CEP55: variants seen among roughly 807,000 people sequenced by gnomAD.
CEP55 encodes the protein centrosomal protein 55, also known as centrosomal protein of 55 kDa.
Under a neutral mutation model 63.2 loss-of-function variants are expected in CEP55, and 57 were observed. The observed-to-expected ratio is 0.90, with a 90% CI of 0.73 to 1.13. The LOEUF is 1.13. CEP55 is among the 50% of genes most tolerant of loss of function. The probability of loss-of-function intolerance (pLI) is 0.00; values close to 1 mark genes in which losing one functional copy is unlikely to be tolerated. For missense variants in CEP55, 456 were observed against 518.9 expected (o/e 0.88, Z 1.18); for synonymous variants, 178 against 191.6 (o/e 0.93, Z 0.59).
In CEP55 at chr10:93,512,438, C is replaced by A. The variant is rs183774454; in HGVS notation, c.529-2967C>A. On this transcript the variant is annotated intron_variant, in intron 4 of 8. Transcript: ENST00000371485. ...CTGAGGCAAGAGAATCGCTTGAACC[C>A]GGGAGGTGGAGGTTGCAGTGAGCCA... Among the ~76,000 whole-genome samples the A allele has an allele frequency of 3.5e-3, 517 of 149,448 alleles. 4 individuals are homozygous for A. The highest frequency in any genetic ancestry group is 0.012 in the African/African-American group (490 of 40,310).
chr10:93,517,539 T>C (rs1311755434), intron 6 of CEP55, among the ~76,000 whole-genome samples: 1 of 152,188 alleles, frequency 6.6e-6, no homozygotes, highest in Admixed American at 6.5e-5. Context: ...TGACTTTTCC[T>C]CTCAATGGAG....
chr10:93,516,390 G>T (rs1337152970), intron 5 of CEP55, among the ~76,000 whole-genome samples: 1 of 152,170 alleles, frequency 6.6e-6, no homozygotes, highest in Non-Finnish European at 1.5e-5. Flanking sequence ...TATAAAATAT[G>T]TGCTTATGTA....
At chr10:93,521,699 A>T (rs1408332777) in intron 8 of CEP55, among the ~76,000 whole-genome samples, 24 of 152,054 alleles carry the variant, frequency 1.6e-4, no homozygotes, top group Admixed American at 1.4e-3. Context: ...ACCCCCCAGT[A>T]GGGGCAGACT....
intron 5 of CEP55, among the ~76,000 whole-genome samples, chr10:93,516,209 A>G (rs1258114390): frequency 6.6e-6 from 1 of 152,214 alleles, no homozygotes; most frequent in African/African-American, 2.4e-5. Context: ...GACAGTTTGG[A>G]GGGGACCAAA....
chr10:93,507,131 A>G (rs1428592176), intron 4 of CEP55, 75 bp downstream of exon 4: 4 of 827,744 alleles, frequency 4.8e-6, no homozygotes, highest in African/African-American at 1.7e-5. Context: ...GAAATTGGCA[A>G]CATTAGTGCT....
intron 4 of CEP55, among the ~76,000 whole-genome samples, chr10:93,512,814 AAG>A (rs1255275936): frequency 6.6e-6 from 1 of 152,186 alleles, no homozygotes; most frequent in Non-Finnish European, 1.5e-5. Context: ...GGAGCTGAAT[AAG>A]AGAGTGACTA....
chr10:93,521,994 A>G (rs1387685487), intron 8 of CEP55, among the ~76,000 whole-genome samples: 1 of 152,208 alleles, frequency 6.6e-6, no homozygotes, highest in African/African-American at 2.4e-5. Context: ...AAAGATGGGG[A>G]AAAAACAGCA....
At position 93,518,936 on chromosome 10, in the gene CEP55, G is replaced by T; in HGVS notation, c.1053G>T (p.Leu351=). ...KQQEEQTRVA[L]LEQQMQACTL... is the part of the protein sequence containing the mutation. ...AAGAAGAACAAACAAGGGTAGCTCT[G>T]TTGGAACAACAGGTACTCATTCGGG... The change falls in exon 7 of 9, where the codon CTG becomes CTT. Residue 351 remains leucine, a synonymous_variant. Transcript: ENST00000371485. 6.2e-7 allele frequency: 1 copy of T among 1,613,092 alleles called. No individual in the cohort carries two copies. The highest frequency in any genetic ancestry group is 1.3e-5 in the African/African-American group (1 of 75,040).
At chr10:93,511,763 T>C (rs1032874418) in intron 4 of CEP55, among the ~76,000 whole-genome samples, 1 of 151,656 alleles carries the variant, frequency 6.6e-6, no homozygotes, top group Non-Finnish European at 1.5e-5. Flanking sequence ...CCACCATACC[T>C]GGCTAATGTT....
chr10:93,513,471 T>C (rs79295620), intron 4 of CEP55, among the ~76,000 whole-genome samples: 144 of 152,330 alleles, frequency 9.5e-4, no homozygotes, highest in African/African-American at 3.3e-3. Flanking sequence ...CGGAAAGCAG[T>C]TGCCCTGATA....
At chr10:93,500,269 C>T in intron 2 of CEP55, 35 bp downstream of exon 2, 1 of 1,542,640 alleles carries the variant, frequency 6.5e-7, no homozygotes, top group East Asian at 2.3e-5. Context: ...ATTGTAAGCT[C>T]TCCAAGAAAG....
At chr10:93,502,990 C>A in intron 2 of CEP55, 123 bp from the exon 3 acceptor site, 1 of 919,636 alleles carries the variant, frequency 1.1e-6, no homozygotes. Flanking sequence ...CTTTTTTGGC[C>A]TTGGTATTTA....
intron 8 of CEP55, among the ~76,000 whole-genome samples, chr10:93,527,169 C>T (rs2057932337): frequency 6.6e-6 from 1 of 151,998 alleles, no homozygotes; most frequent in African/African-American, 2.4e-5. Flanking sequence ...TCATTTTTAA[C>T]TACTCCAAGT....
intron 8 of CEP55, among the ~76,000 whole-genome samples, chr10:93,524,124 A>C (rs2057894068): frequency 6.6e-6 from 1 of 152,052 alleles, no homozygotes; most frequent in Non-Finnish European, 1.5e-5. Context: ...ACACAAAAAA[A>C]CTTTCAAAAA....
chr10:93,514,720 T>C (rs76493794), intron 4 of CEP55, among the ~76,000 whole-genome samples: 12,791 of 152,280 alleles, frequency 0.084, 599 homozygotes, highest in Non-Finnish European at 0.1. Flanking sequence ...AGATGGAGGC[T>C]GTCAGCTAAT....
At position 93,522,346 on chromosome 10, in the gene CEP55, G is replaced by A. The variant is rs147096352; in HGVS notation, c.1191+2539G>A. ...GGAAGAATGAGTATCAATGATGGAA[G>A]ATCAAATGAATGAAATGAAGTGAGA... On this transcript the variant is annotated intron_variant, in intron 8 of 8. Coordinates refer to ENST00000371485, the MANE Select transcript of CEP55 (RefSeq NM_018131.5). 6.7e-4 allele frequency among the ~76,000 whole-genome samples: 102 copies of A among 152,282 alleles called. No homozygotes were observed. In the East Asian group the frequency reaches 0.017, roughly 26 times the overall value.
chr10:93,515,128 T>A (rs559120090), intron 4 of CEP55, among the ~76,000 whole-genome samples: 1 of 152,204 alleles, frequency 6.6e-6, no homozygotes, highest in Non-Finnish European at 1.5e-5. Flanking sequence ...ATGTCTGTCA[T>A]AAAACGTGTT....
intron 4 of CEP55, among the ~76,000 whole-genome samples, chr10:93,507,518 G>A (rs777363422): frequency 4.6e-5 from 7 of 152,070 alleles, no homozygotes; most frequent in East Asian, 3.9e-4. Context: ...TACCATGCCC[G>A]GCATCATGGT....
At chr10:93,510,394 A>G (rs2057733025) in intron 4 of CEP55, among the ~76,000 whole-genome samples, 1 of 152,248 alleles carries the variant, frequency 6.6e-6, no homozygotes, top group Admixed American at 6.5e-5. Context: ...ATGATAACAT[A>G]TAATAACATA....
Sources: allele counts gnomAD v4.1 joint callset (sites outside exome capture counted in the v4.1 genomes callset), GRCh38; gene constraint gnomAD v4.1.1; transcripts MANE v1.5; gene names NCBI Gene and HGNC (gene_info 2026-07-23, HGNC 2026-07-21).